SGCD: variants seen among roughly 807,000 people sequenced by gnomAD.
SGCD encodes the protein sarcoglycan delta.
A neutral mutation model predicts 36.6 loss-of-function variants in SGCD; 18 were observed. That is an observed-to-expected ratio of 0.49 (90% CI 0.34 to 0.73). SGCD has a LOEUF of 0.73. Ranked by LOEUF, SGCD falls within the 30% of genes least tolerant of loss-of-function variation. The pLI, the probability that SGCD is intolerant of heterozygous loss-of-function variation, is 0.01. For synonymous variants in SGCD, 133 were observed against 130.6 expected, an observed-to-expected ratio of 1.02 and a Z score of -0.12; for missense variants, 387 against 346.7, an observed-to-expected ratio of 1.12 and a Z score of -0.92.
At chr5:155,836,632 C>T in the SGCD span, among the ~76,000 whole-genome samples, 1 of 152,196 alleles carries the variant, frequency 6.6e-6, no homozygotes, top group Non-Finnish European at 1.5e-5. Context: ...TTCTATTTCT[C>T]CCATCCACTT....
At chr5:156,512,191 C>CAAAAAAAAAA (rs759345867) in intron 4 of SGCD, among the ~76,000 whole-genome samples, 1 of 66,898 alleles carries the variant, frequency 1.5e-5, no homozygotes, top group Non-Finnish European at 2.8e-5. Flanking sequence ...GACTCTGTCT[C>CAAAAAAAAAA]AAAAAAAAAA....
intron 3 of SGCD, among the ~76,000 whole-genome samples, chr5:156,501,344 G>A (rs984069170): frequency 6.6e-6 from 1 of 152,156 alleles, no homozygotes; most frequent in African/African-American, 2.4e-5. Context: ...GCCAAGTAAT[G>A]ACAAAGCCCA....
intron 1 of SGCD, among the ~76,000 whole-genome samples, chr5:156,029,369 C>G (rs953375599): frequency 6.6e-6 from 1 of 152,156 alleles, no homozygotes; most frequent in Non-Finnish European, 1.5e-5. Flanking sequence ...TACAAACACA[C>G]AAACACACTC....
intron 1 of SGCD, among the ~76,000 whole-genome samples, chr5:155,998,611 G>T (rs1302165050): frequency 6.6e-6 from 1 of 152,176 alleles, no homozygotes; most frequent in African/African-American, 2.4e-5. Context: ...GTATAGGTCT[G>T]TCTTGTCAAC....
chr5:156,151,706 A>G (rs1484538053), intron 3 of SGCD, among the ~76,000 whole-genome samples: 1 of 151,610 alleles, frequency 6.6e-6, no homozygotes, highest in African/African-American at 2.4e-5. Context: ...TACTAACAAA[A>G]CTGGAAGCCA....
intron 3 of SGCD, among the ~76,000 whole-genome samples, chr5:156,502,234 G>T (rs1756488603): frequency 6.6e-6 from 1 of 151,872 alleles, no homozygotes; most frequent in African/African-American, 2.4e-5. Flanking sequence ...TTTTAGTAGA[G>T]ACAGGGTTTC....
chr5:156,421,623 C>A (rs927477203), intron 3 of SGCD, among the ~76,000 whole-genome samples: 23 of 151,944 alleles, frequency 1.5e-4, no homozygotes, highest in African/African-American at 5.6e-4. Flanking sequence ...GAATGGGTGA[C>A]CCCGTGAGCA....
intron 3 of SGCD, among the ~76,000 whole-genome samples, chr5:156,428,642 T>G (rs940338693): frequency 2.6e-5 from 4 of 152,110 alleles, no homozygotes; most frequent in Non-Finnish European, 5.9e-5. Context: ...TGTCTGTTTG[T>G]GATCTTTCAG....
intron 4 of SGCD, among the ~76,000 whole-genome samples, chr5:156,533,405 A>C (rs1757968141): frequency 6.6e-6 from 1 of 152,200 alleles, no homozygotes. Context: ...CTCAGGAAAA[A>C]ATGCCATGAT....
chr5:155,836,478 C>A, the SGCD span, among the ~76,000 whole-genome samples: 21 of 150,386 alleles, frequency 1.4e-4, no homozygotes, highest in African/African-American at 3.2e-4. Flanking sequence ...CCACCCCCGC[C>A]CCGCACTCAA....
At chr5:156,232,019 G>C (rs1765032403) in intron 3 of SGCD, among the ~76,000 whole-genome samples, 1 of 152,098 alleles carries the variant, frequency 6.6e-6, no homozygotes, top group Non-Finnish European at 1.5e-5. Flanking sequence ...ACATTAGATG[G>C]AAGGACTGAA....
the SGCD span, among the ~76,000 whole-genome samples, chr5:155,789,139 G>C: frequency 6.6e-6 from 1 of 152,134 alleles, no homozygotes; most frequent in African/African-American, 2.4e-5. Context: ...CTGGAGACCA[G>C]GGAGTTATGA....
At chr5:156,321,007 C>A (rs956951173) in intron 3 of SGCD, among the ~76,000 whole-genome samples, 6 of 152,174 alleles carry the variant, frequency 3.9e-5, no homozygotes, top group African/African-American at 1.4e-4. Flanking sequence ...AATCATCTGC[C>A]ATTAGTTTAA....
intron 3 of SGCD, among the ~76,000 whole-genome samples, chr5:156,269,553 A>G (rs921862825): frequency 1.4e-5 from 2 of 144,246 alleles, no homozygotes; most frequent in African/African-American, 5.0e-5. Flanking sequence ...TGAGGATAGC[A>G]TGGGAAAGGC....
At chr5:156,013,592 CTG>C (rs1758905636) in intron 1 of SGCD, among the ~76,000 whole-genome samples, 1 of 151,984 alleles carries the variant, frequency 6.6e-6, no homozygotes, top group African/African-American at 2.4e-5. Flanking sequence ...TCTTTGATTA[CTG>C]TAGTGTTTGA....
At chr5:156,129,556 G>A (rs1762260012) in intron 3 of SGCD, among the ~76,000 whole-genome samples, 1 of 152,082 alleles carries the variant, frequency 6.6e-6, no homozygotes, top group African/African-American at 2.4e-5. Flanking sequence ...AGCGTCACAG[G>A]GGTTTGCTGT....
chr5:155,786,527 C>T, the SGCD span, among the ~76,000 whole-genome samples: 6 of 151,984 alleles, frequency 3.9e-5, no homozygotes, highest in African/African-American at 1.4e-4. Flanking sequence ...GTTTGGGACA[C>T]AGATCAGGAT....
intron 3 of SGCD, among the ~76,000 whole-genome samples, chr5:156,304,546 C>G (rs1767150542): frequency 6.6e-6 from 1 of 152,128 alleles, no homozygotes; most frequent in South Asian, 2.1e-4. Context: ...TTGTAAATTG[C>G]CCAGTCTCAG....
chr5:156,603,431 G>T (rs865895388), intron 6 of SGCD, among the ~76,000 whole-genome samples: 3 of 151,234 alleles, frequency 2.0e-5, no homozygotes, highest in Middle Eastern at 3.5e-3. Context: ...AATTCTACTC[G>T]ATCTTTATTA....
Sources: gnomAD v4.1 joint callset for allele counts (sites outside exome capture counted in the v4.1 genomes callset) on GRCh38, gnomAD v4.1.1 for gene constraint, MANE v1.5 for transcripts, NCBI Gene and HGNC (gene_info 2026-07-23, HGNC 2026-07-21) for gene names.